The following MAGI2 variants were observed in gnomAD, a reference collection of about 807,000 sequenced individuals.
MAGI2 encodes the protein membrane-associated guanylate kinase, WW and PDZ domain-containing protein 2.
Under a neutral mutation model 133.3 loss-of-function variants are expected in MAGI2, and 35 were observed. The observed-to-expected ratio is 0.26, with a 90% confidence interval of 0.20 to 0.35. The LOEUF is 0.35. Among genes scored for constraint, MAGI2 ranks in the 10% least tolerant of loss-of-function variants. The pLI is 1.00. For synonymous variants in MAGI2, 729 were observed against 710.6 expected, an observed-to-expected ratio of 1.03 and a Z score of -0.41; for missense variants, 1,636 against 1,863.4, an observed-to-expected ratio of 0.88 and a Z score of 2.25.
At chr7:79,071,069 C>CATCTTCGT (rs1270530483) in intron 1 of MAGI2, among the ~76,000 whole-genome samples, 3 of 152,192 alleles carry the variant, frequency 2.0e-5, no homozygotes, top group African/African-American at 7.2e-5. Context: ...GGTTTCGCCC[C>CATCTTCGT]ATCTTCGTGG....
intron 1 of MAGI2, among the ~76,000 whole-genome samples, chr7:79,331,007 C>G (rs767212133): frequency 4.6e-5 from 7 of 152,214 alleles, no homozygotes; most frequent in Non-Finnish European, 8.8e-5. Flanking sequence ...AATTATTTTT[C>G]AATTATTAGT....
At chr7:79,433,144 T>C (rs1459362706) in intron 1 of MAGI2, among the ~76,000 whole-genome samples, 1 of 152,198 alleles carries the variant, frequency 6.6e-6, no homozygotes, top group African/African-American at 2.4e-5. Flanking sequence ...AAATTGAGAC[T>C]ATTCCGATAC....
At chr7:78,775,869 A>G (rs1455186249) in intron 2 of MAGI2, among the ~76,000 whole-genome samples, 2 of 152,208 alleles carry the variant, frequency 1.3e-5, no homozygotes, top group African/African-American at 4.8e-5. Context: ...CTTATTCTCT[A>G]ATCAGCTGGA....
intron 1 of MAGI2, among the ~76,000 whole-genome samples, chr7:79,038,534 T>C (rs1032346989): frequency 6.6e-6 from 1 of 152,228 alleles, no homozygotes; most frequent in South Asian, 2.1e-4. Flanking sequence ...TACTTTCATT[T>C]TTTAAAAAGT....
chr7:78,784,681 A>T (rs997845727), intron 2 of MAGI2, among the ~76,000 whole-genome samples: 3 of 152,054 alleles, frequency 2.0e-5, no homozygotes, highest in African/African-American at 2.4e-5. Flanking sequence ...GTTAGATCAT[A>T]CTCTTTTTGT....
chr7:78,700,879 A>T (rs1817995018), intron 2 of MAGI2, among the ~76,000 whole-genome samples: 1 of 151,744 alleles, frequency 6.6e-6, no homozygotes, highest in South Asian at 2.1e-4. Context: ...ATTTTTACTT[A>T]AGCAAATGGA....
intron 20 of MAGI2, among the ~76,000 whole-genome samples, chr7:78,121,774 T>C (rs62461210): frequency 0.12 from 17,790 of 152,256 alleles, 1,378 homozygotes; most frequent in Non-Finnish European, 0.18. Context: ...TGTACAAAGA[T>C]TGTATGAGTT....
intron 2 of MAGI2, among the ~76,000 whole-genome samples, chr7:78,743,466 A>G (rs893972980): frequency 6.6e-6 from 1 of 152,192 alleles, no homozygotes; most frequent in African/African-American, 2.4e-5. Context: ...TACAGCCAGA[A>G]AGGGTTAAGT....
chr7:78,800,097 A>T (rs1018595699), intron 2 of MAGI2, among the ~76,000 whole-genome samples: 1 of 152,146 alleles, frequency 6.6e-6, no homozygotes, highest in Non-Finnish European at 1.5e-5. Flanking sequence ...TGGAAGTTTT[A>T]CCACTATTTA....
intron 20 of MAGI2, among the ~76,000 whole-genome samples, chr7:78,086,904 A>G (rs1408901085): frequency 2.0e-5 from 3 of 152,154 alleles, no homozygotes; most frequent in Admixed American, 6.5e-5. Flanking sequence ...CCAAAGTGCT[A>G]CGATTACAGG....
In MAGI2 at chr7:78,430,240, C is replaced by CTTTTTTTTTTT. The variant is rs545809101; in HGVS notation, c.1045+59510_1045+59520dup. ...GTATTACTGTCTGTTCTGGAAAAGC[C>CTTTTTTTTTTT]TTTTTTTTTTTTTTTTTTTTTTTTT... On this transcript the variant is annotated intron_variant, in intron 6 of 21. Coordinates refer to ENST00000354212, the MANE Select transcript of MAGI2 (RefSeq NM_012301.4). Among the ~76,000 whole-genome samples, 22 of 76,642 alleles carry CTTTTTTTTTTT rather than the reference C, an allele frequency of 2.9e-4. 2 individuals carry two copies. The highest frequency in any genetic ancestry group is 1.1e-3 in the African/African-American group (19 of 18,012). 50.3% of individuals were successfully genotyped at this position (76,642 alleles called of 152,430 possible).
chr7:79,095,274 G>C (rs974732871), intron 1 of MAGI2, among the ~76,000 whole-genome samples: 4 of 152,192 alleles, frequency 2.6e-5, no homozygotes, highest in African/African-American at 9.7e-5. Flanking sequence ...CAGTGCGGTG[G>C]CTTGTTTGAC....
chr7:78,231,895 T>C (rs1790008957), intron 10 of MAGI2, among the ~76,000 whole-genome samples: 1 of 152,046 alleles, frequency 6.6e-6, no homozygotes. Context: ...CTTACAAGTA[T>C]ATTTTTAAGG....
chr7:78,832,946 G>A (rs540803908), intron 2 of MAGI2, among the ~76,000 whole-genome samples: 26 of 152,278 alleles, frequency 1.7e-4, no homozygotes, highest in African/African-American at 6.0e-4. Context: ...ACCGACGCAT[G>A]AGGGGCACCT....
chr7:78,311,737 A>C (rs1798721675), intron 9 of MAGI2, among the ~76,000 whole-genome samples: 2 of 152,078 alleles, frequency 1.3e-5, no homozygotes, highest in Admixed American at 1.3e-4. Context: ...TTAATTAAAA[A>C]CATTAATATG....
intron 1 of MAGI2, among the ~76,000 whole-genome samples, chr7:79,039,678 C>G (rs77271152): frequency 0.027 from 4,138 of 151,310 alleles, 194 homozygotes; most frequent in African/African-American, 0.095. Flanking sequence ...TAATAATAAT[C>G]CCAGTAAAAA....
intron 1 of MAGI2, among the ~76,000 whole-genome samples, chr7:79,427,516 T>C (rs1847474173): frequency 6.6e-6 from 1 of 152,230 alleles, no homozygotes; most frequent in South Asian, 2.1e-4. Flanking sequence ...CAAGGGATGA[T>C]ATGAGAAGGA....
intron 1 of MAGI2, among the ~76,000 whole-genome samples, chr7:79,377,495 C>G (rs1227481169): frequency 6.6e-6 from 1 of 151,786 alleles, no homozygotes. Context: ...CTTCTGAATA[C>G]TATTAAAATA....
intron 12 of MAGI2, among the ~76,000 whole-genome samples, chr7:78,186,331 A>G (rs930562496): frequency 3.9e-5 from 6 of 152,174 alleles, no homozygotes; most frequent in Admixed American, 2.6e-4. Context: ...AGAACCTAGA[A>G]CAACCTGGTT....
Sources: gnomAD v4.1 joint callset for allele counts (sites outside exome capture counted in the v4.1 genomes callset) on GRCh38, gnomAD v4.1.1 for gene constraint, MANE v1.5 for transcripts, NCBI Gene and HGNC (gene_info 2026-07-23, HGNC 2026-07-21) for gene names.